COPZ2: variants seen among roughly 807,000 people sequenced by gnomAD.
The protein encoded by COPZ2 is coat protein complex I subunit zeta 2, also known as coatomer subunit zeta-2.
COPZ2 carries 30 observed loss-of-function variants against 33.2 expected under a neutral mutation model. The ratio of observed to expected loss-of-function variants is 0.90; its 90% CI spans 0.68 to 1.23. The LOEUF (loss-of-function observed/expected upper bound fraction) is 1.23. Among genes scored for constraint, COPZ2 ranks in the 50% most tolerant of loss-of-function variants. The probability of loss-of-function intolerance (pLI) is 0.00; values close to 1 mark genes in which losing one functional copy is unlikely to be tolerated. For missense variants in COPZ2, 263 were observed against 262.4 expected (o/e 1.00, Z -0.02); for synonymous variants, 89 against 102.6 (o/e 0.87, Z 0.80).
rs547835499 is a variant in COPZ2 at position 48,028,033 on chromosome 17, C to T, written c.585+439G>A. Among the ~76,000 whole-genome samples the T allele has an allele frequency of 6.6e-6, 1 of 152,306 alleles. No homozygotes were observed. Among genetic ancestry groups the T allele is most frequent in the East Asian group, 1.9e-4 (1 of 5,190 alleles). Reference sequence around the variant, plus strand: ...TATCATGGGTTTGAGAGTCCCTTAACAATCCCAGTGTGCACCCTAAGTGGC... The same window carrying T: ...TATCATGGGTTTGAGAGTCCCTTAATAATCCCAGTGTGCACCCTAAGTGGC... On this transcript the variant is annotated intron_variant, in intron 8 of 8. Transcript: ENST00000621465. The surrounding 1 kb of genome is among the most constrained non-coding windows in gnomAD (Gnocchi z 4.5).
intron 3 of COPZ2, among the ~76,000 whole-genome samples, 185 bp from the exon 4 acceptor site, chr17:48,033,487 A>G (rs1193046788): frequency 6.6e-6 from 1 of 151,896 alleles, no homozygotes; most frequent in Non-Finnish European, 1.5e-5. Flanking sequence ...CTGCTACTCT[A>G]TTTCTAGGGA....
At chr17:48,044,266 G>A in the COPZ2 span, among the ~76,000 whole-genome samples, 1 of 152,180 alleles carries the variant, frequency 6.6e-6, no homozygotes, top group South Asian at 2.1e-4. Flanking sequence ...AGAATCGCTT[G>A]AACTGGGGAG....
Position 48,037,471 on chromosome 17 carries a change from G to C in COPZ2, c.111+196C>G, listed in dbSNP as rs936348882. On this transcript the variant is annotated intron_variant, in intron 1 of 8. Transcript: ENST00000621465. The surrounding 1 kb of genome is among the most constrained non-coding windows in gnomAD (Gnocchi z 5.6). Reference sequence around the variant, plus strand: ...GGACCCAGAACTTCAGCCCCGCGCCGACGGACTCAGGACAGGCCTCCTCTC... The same window carrying C: ...GGACCCAGAACTTCAGCCCCGCGCCCACGGACTCAGGACAGGCCTCCTCTC... Among the ~76,000 whole-genome samples the C allele has an allele frequency of 1.3e-5, 2 of 152,146 alleles. No homozygotes were observed. The highest frequency in any genetic ancestry group is 1.5e-5 in the Non-Finnish European group (1 of 68,002).
At chr17:48,036,256 C>G (rs1268565075) in intron 2 of COPZ2, among the ~76,000 whole-genome samples, 1 of 152,090 alleles carries the variant, frequency 6.6e-6, no homozygotes, top group African/African-American at 2.4e-5. Flanking sequence ...CCTGTGAAAC[C>G]TGTGAAATGG....
Position 48,029,569 on chromosome 17 carries a change from CTTAT to C in COPZ2, c.495-397_495-394del, listed in dbSNP as rs1197684863. 2,129 of 273,254 alleles carry C rather than the reference CTTAT, an allele frequency of 7.8e-3. 55 individuals carry two copies. Among genetic ancestry groups the C allele is most frequent in the African/African-American group, 0.044 (1,939 of 43,748 alleles). 16.9% of individuals were successfully genotyped at this position (273,254 alleles called of 1,614,324 possible). On this transcript the variant is annotated intron_variant, in intron 6 of 8. Transcript: ENST00000621465. ...GTTAGGAAGAGAGGCCCTGGGGGTT[CTTAT>C]CTTGTTGCACTGTTATTTTATGGCA...
chr17:48,044,403 CTTTTTTTTTTT>C, the COPZ2 span, among the ~76,000 whole-genome samples: 46 of 101,776 alleles, frequency 4.5e-4, no homozygotes, highest in African/African-American at 1.1e-3. Context: ...CAATCTTTTG[CTTTTTTTTTTT>C]TTTTTTTTTT....
At chr17:48,045,260 T>C in the COPZ2 span, 1 of 152,062 alleles carries the variant, frequency 6.6e-6, no homozygotes, top group South Asian at 2.1e-4. Flanking sequence ...TGCCTGGCCT[T>C]AGAGACATTT....
At position 48,028,349 on chromosome 17, in the gene COPZ2, C is replaced by T. The variant is rs1015782642; in HGVS notation, c.585+123G>A. 1 of 1,015,806 alleles carries T rather than the reference C, an allele frequency of 9.8e-7. No homozygotes were observed. The highest frequency in any genetic ancestry group is 1.4e-6 in the Non-Finnish European group (1 of 700,800). 62.9% of individuals were successfully genotyped at this position (1,015,806 alleles called of 1,614,324 possible). A position where few individuals can be genotyped will look rare whatever the true frequency, so the allele number is the denominator to read the frequency against. On this transcript the variant is annotated intron_variant, in intron 8 of 8. Coordinates refer to ENST00000621465, the MANE Select transcript of COPZ2 (RefSeq NM_016429.4). This position sits in a 1 kb window ranked among gnomAD's most constrained non-coding sequence, Gnocchi z 4.5. ...GACCTGTCACTGCCTCATCCCTTCC[C>T]TTCTCACCCCTGATTTTTCAGACTT... is the stretch of plus-strand genomic sequence containing the variant.
chr17:48,037,808 C>T (rs1349348965), upstream of COPZ2: 1 of 983,570 alleles, frequency 1.0e-6, no homozygotes, highest in Non-Finnish European at 1.2e-6. This position sits in a 1 kb window ranked among gnomAD's most constrained non-coding sequence, Gnocchi z 5.6. Flanking sequence ...GACAGCGCCG[C>T]CCGCCGCCTG....
At chr17:48,040,627 T>G (rs925699234), upstream of COPZ2, among the ~76,000 whole-genome samples, 2 of 150,902 alleles carry the variant, frequency 1.3e-5, no homozygotes, top group African/African-American at 4.9e-5. Context: ...GAGACAGGGT[T>G]TCACCATGTT....
chr17:48,027,288 T>A (rs183837808), intron 8 of COPZ2, among the ~76,000 whole-genome samples: 43 of 152,380 alleles, frequency 2.8e-4, no homozygotes, highest in Admixed American at 2.1e-3. Flanking sequence ...TATGTTTTCA[T>A]TCTTTCTCCC....
chr17:48,033,372 A>G (rs1227450699), intron 3 of COPZ2, 70 bp from the exon 4 acceptor site: 3 of 859,108 alleles, frequency 3.5e-6, no homozygotes, highest in South Asian at 1.4e-5. Flanking sequence ...CTCCTCATGT[A>G]TGACTCTGTG....
chr17:48,035,017 C>G (rs1408504874), intron 2 of COPZ2, among the ~76,000 whole-genome samples: 1 of 152,160 alleles, frequency 6.6e-6, no homozygotes, highest in Non-Finnish European at 1.5e-5. Context: ...ACTTCCCCAA[C>G]ATCTCACAGT....
chr17:48,027,303 G>A (rs2036830830), intron 8 of COPZ2, among the ~76,000 whole-genome samples: 1 of 152,170 alleles, frequency 6.6e-6, no homozygotes, highest in Non-Finnish European at 1.5e-5. Context: ...TCTCCCTTTG[G>A]AGAAATACTG....
upstream of COPZ2, chr17:48,037,844 G>GC (rs142880760): frequency 1 from 977,480 of 977,562 alleles, 488,699 homozygotes; most frequent in Middle Eastern, 1. This position sits in a 1 kb window ranked among gnomAD's most constrained non-coding sequence, Gnocchi z 5.6. Flanking sequence ...CCGCCTCCGC[G>GC]CCGCCCCGCG....
rs1442919867 is a variant in COPZ2, at chr17:48,037,792, C to T, written c.-15G>A. 1.0e-6 allele frequency: 1 copy of T among 996,766 alleles called. No individual in the cohort carries two copies. The highest frequency in any genetic ancestry group is 1.2e-6 in the Non-Finnish European group (1 of 838,744). 61.7% of individuals were successfully genotyped at this position (996,766 alleles called of 1,614,324 possible). A position where few individuals can be genotyped will look rare whatever the true frequency, so the allele number is the denominator to read the frequency against. On this transcript the variant is annotated 5_prime_UTR_variant, in exon 1 of 9. Transcript: ENST00000621465. The surrounding 1 kb of genome is among the most constrained non-coding windows in gnomAD (Gnocchi z 5.6). ...GGCCGCTGCATTCCGCTCGCCGCCT[C>T]GCACTGACAGCGCCGCCCGCCGCCT...
chr17:48,040,682 C>T (rs58790644), upstream of COPZ2, among the ~76,000 whole-genome samples: 1 of 151,718 alleles, frequency 6.6e-6, no homozygotes, highest in Admixed American at 6.6e-5. Flanking sequence ...CTGCTTGCCT[C>T]GGCCTCCCAA....
At chr17:48,026,778 G>A (rs1029858498) in intron 8 of COPZ2, among the ~76,000 whole-genome samples, 2 of 152,238 alleles carry the variant, frequency 1.3e-5, no homozygotes, top group African/African-American at 4.8e-5. Flanking sequence ...GAGAGTTCCC[G>A]CCCACAGTGC....
At chr17:48,029,235 C>A in intron 6 of COPZ2, 59 bp from the exon 7 acceptor site, 1 of 1,484,892 alleles carries the variant, frequency 6.7e-7, no homozygotes, top group Non-Finnish European at 9.2e-7. Context: ...CCCCTCCGCC[C>A]CTTCTCCTTG....
Sources: gnomAD v4.1 joint callset for allele counts (sites outside exome capture counted in the v4.1 genomes callset) on GRCh38, gnomAD v4.1.1 for gene constraint, Gnocchi (gnomAD v3.1) non-coding constraint, MANE v1.5 for transcripts, NCBI Gene and HGNC (gene_info 2026-07-23, HGNC 2026-07-21) for gene names.